The following ANO6 variants were observed in gnomAD, a reference collection of about 807,000 sequenced individuals.
The protein encoded by ANO6 is anoctamin-6.
Under a neutral mutation model 117.5 loss-of-function variants are expected in ANO6, and 106 were observed. That is an observed-to-expected ratio of 0.90 (90% CI 0.77 to 1.06). The LOEUF (loss-of-function observed/expected upper bound fraction) is 1.06. ANO6 is among the 50% of genes least tolerant of loss of function. ANO6 has a pLI of 0.00. For synonymous variants in ANO6, 367 were observed against 385.1 expected (o/e 0.95, Z 0.55); for missense variants, 955 against 1,121.1 (o/e 0.85, Z 2.12).
intron 11 of ANO6, 80 bp downstream of exon 11, chr12:45,388,383 TG>T (rs1942356981): frequency 6.4e-7 from 1 of 1,566,246 alleles, no homozygotes; most frequent in Non-Finnish European, 8.8e-7. Flanking sequence ...TAGAATCACT[TG>T]GGGGAGCTTA....
At chr12:45,332,647 T>G (rs1407942375) in intron 3 of ANO6, among the ~76,000 whole-genome samples, 1 of 152,032 alleles carries the variant, frequency 6.6e-6, no homozygotes, top group African/African-American at 2.4e-5. Flanking sequence ...TGTTTATTGT[T>G]CACGTCAAGG....
intron 1 of ANO6, among the ~76,000 whole-genome samples, chr12:45,239,723 T>C (rs1947708649): frequency 1.3e-5 from 2 of 152,198 alleles, no homozygotes. Context: ...TTTAAATGTG[T>C]CCCAGAGATT....
chr12:45,317,659 A>G (rs1940097013), intron 2 of ANO6, among the ~76,000 whole-genome samples: 1 of 152,118 alleles, frequency 6.6e-6, no homozygotes, highest in Non-Finnish European at 1.5e-5. Context: ...GCTGGGTCAA[A>G]TGGTATTTCT....
At chr12:45,319,151 T>G (rs1160095895) in intron 2 of ANO6, among the ~76,000 whole-genome samples, 2 of 152,216 alleles carry the variant, frequency 1.3e-5, no homozygotes, top group African/African-American at 4.8e-5. Flanking sequence ...TCCAACACTA[T>G]GTCGAATAGG....
intron 1 of ANO6, among the ~76,000 whole-genome samples, chr12:45,249,946 G>T (rs1357554607): frequency 6.6e-6 from 1 of 152,176 alleles, no homozygotes; most frequent in South Asian, 2.1e-4. Context: ...TTACTGAGCA[G>T]ATCATTAATC....
intron 19 of ANO6, 101 bp from the exon 20 acceptor site, chr12:45,429,004 C>G (rs1943571294): frequency 6.9e-7 from 1 of 1,439,262 alleles, no homozygotes; most frequent in East Asian, 2.4e-5. Context: ...TGTCCACTGC[C>G]TTGTCCAGAT....
In ANO6 at chr12:45,350,679, A is replaced by G; in HGVS notation, c.768A>G (p.Ser256=). ...CACAGTGCAAATTCCGCCGTCAGTC[A>G]GAGGATCCCAGCTGCCCTAATGAAC... The part of the protein sequence containing the change: ...PLHDCKFRRQ[S]EDPSCPNERY... The change falls in exon 7 of 20, where the codon TCA becomes TCG. Residue 256 remains serine (S), a synonymous_variant. Transcript: ENST00000320560. 3.7e-6 allele frequency: 6 copies of G among 1,613,826 alleles called. No homozygotes were observed. Among genetic ancestry groups the G allele is most frequent in the Non-Finnish European group, 5.1e-6 (6 of 1,179,794 alleles).
intron 17 of ANO6, among the ~76,000 whole-genome samples, chr12:45,420,785 C>A (rs1592047170): frequency 6.6e-6 from 1 of 152,086 alleles, no homozygotes; most frequent in African/African-American, 2.4e-5. Flanking sequence ...CTGAGGTGGG[C>A]AGATCACCTG....
intron 11 of ANO6, among the ~76,000 whole-genome samples, chr12:45,388,649 G>T (rs1942363990): frequency 6.6e-6 from 1 of 152,154 alleles, no homozygotes; most frequent in African/African-American, 2.4e-5. Flanking sequence ...TTTTATAGTT[G>T]ATTCTCAATT....
intron 19 of ANO6, among the ~76,000 whole-genome samples, chr12:45,425,678 G>A (rs1239306735): frequency 6.6e-6 from 1 of 152,148 alleles, no homozygotes; most frequent in African/African-American, 2.4e-5. Context: ...GGTTTTTATT[G>A]GAGTGATACC....
intron 1 of ANO6, among the ~76,000 whole-genome samples, chr12:45,228,479 T>C (rs868859316): frequency 2.0e-5 from 3 of 151,988 alleles, no homozygotes; most frequent in Non-Finnish European, 2.9e-5. Flanking sequence ...TTTGTGTCAT[T>C]GTATAGTTGT....
At chr12:45,353,379 G>A (rs1228261747) in intron 7 of ANO6, among the ~76,000 whole-genome samples, 1 of 152,220 alleles carries the variant, frequency 6.6e-6, no homozygotes, top group East Asian at 1.9e-4. Context: ...TTCATGTGAA[G>A]TTTCCATTTT....
chr12:45,253,419 G>T (rs1937697788), intron 1 of ANO6, among the ~76,000 whole-genome samples: 1 of 152,188 alleles, frequency 6.6e-6, no homozygotes, highest in Non-Finnish European at 1.5e-5. Flanking sequence ...CAAAAGGCAT[G>T]TTGATGCCAT....
chr12:45,228,330 T>C (rs1947520931), intron 1 of ANO6: 1 of 260,916 alleles, frequency 3.8e-6, no homozygotes, highest in East Asian at 1.2e-4. Context: ...TATTAGAGAT[T>C]GGTCTCACTA....
chr12:45,379,796 C>T (rs577946051), intron 10 of ANO6, among the ~76,000 whole-genome samples: 2 of 152,334 alleles, frequency 1.3e-5, no homozygotes, highest in Non-Finnish European at 2.9e-5. Flanking sequence ...ATAGAACTGA[C>T]TTACACATTA....
At chr12:45,437,998 C>T (rs1344141741) in intron 19 of ANO6, among the ~76,000 whole-genome samples, 3 of 152,148 alleles carry the variant, frequency 2.0e-5, no homozygotes, top group East Asian at 1.9e-4. Context: ...CAAAAAAGAC[C>T]AGCGCAGTCT....
At chr12:45,275,535 C>T (rs1938528624) in intron 1 of ANO6, among the ~76,000 whole-genome samples, 1 of 152,180 alleles carries the variant, frequency 6.6e-6, no homozygotes, top group South Asian at 2.1e-4. Flanking sequence ...AGCAAAACTT[C>T]TAAAATGTTG....
intron 12 of ANO6, among the ~76,000 whole-genome samples, chr12:45,399,676 A>T (rs1195727466): frequency 6.6e-6 from 1 of 152,100 alleles, no homozygotes; most frequent in Non-Finnish European, 1.5e-5. Flanking sequence ...GTACCTCTGG[A>T]GCACATCAGG....
chr12:45,317,129 A>ATATATT (rs1565684689), intron 2 of ANO6, among the ~76,000 whole-genome samples: 1 of 105,452 alleles, frequency 9.5e-6, no homozygotes, highest in African/African-American at 3.0e-5. Flanking sequence ...ATATATATAT[A>ATATATT]TATTTATTAT....
Sources: gnomAD v4.1 joint callset for allele counts (sites outside exome capture counted in the v4.1 genomes callset) on GRCh38, gnomAD v4.1.1 for gene constraint, MANE v1.5 for transcripts, NCBI Gene and HGNC (gene_info 2026-07-23, HGNC 2026-07-21) for gene names.